Variants in ADARB2 observed in about 807,000 individuals in gnomAD.
The protein encoded by ADARB2 is inactive double-stranded RNA-specific editase B2.
In ADARB2, 25 loss-of-function variants were observed where a neutral mutation model predicts 62.2. The ratio of observed to expected loss-of-function variants is 0.40; its 90% CI spans 0.29 to 0.56. The LOEUF is 0.56. Among genes scored for constraint, ADARB2 ranks in the 20% least tolerant of loss-of-function variants. The pLI is 0.43. For synonymous variants in ADARB2, 572 were observed against 500.8 expected (o/e 1.14, Z -1.90); for missense variants, 1,071 against 1,077.4 (o/e 0.99, Z 0.08).
intron 1 of ADARB2, among the ~76,000 whole-genome samples, chr10:1,710,053 G>C (rs548366685): frequency 1.3e-5 from 2 of 152,310 alleles, no homozygotes; most frequent in South Asian, 4.1e-4. Flanking sequence ...GTGCTCAGTC[G>C]AGGACGGTTT....
chr10:1,272,691 G>A (rs923431509), intron 3 of ADARB2, among the ~76,000 whole-genome samples: 4 of 152,246 alleles, frequency 2.6e-5, no homozygotes, highest in African/African-American at 9.6e-5. Context: ...TGAGCCTGGA[G>A]TCTTCCTGGG....
At chr10:1,698,307 G>A (rs1304328869) in intron 1 of ADARB2, among the ~76,000 whole-genome samples, 7 of 152,200 alleles carry the variant, frequency 4.6e-5, no homozygotes, top group Admixed American at 3.9e-4. Flanking sequence ...ATTGCCACCC[G>A]TGGAATGAGG....
intron 1 of ADARB2, among the ~76,000 whole-genome samples, chr10:1,576,868 G>A (rs573112116): frequency 1.3e-5 from 2 of 152,266 alleles, no homozygotes; most frequent in South Asian, 4.1e-4. Context: ...GTGGCCCTGG[G>A]GCAGCAGCTG....
chr10:1,450,073 G>C (rs1588262267), intron 1 of ADARB2, among the ~76,000 whole-genome samples: 1 of 152,108 alleles, frequency 6.6e-6, no homozygotes, highest in Non-Finnish European at 1.5e-5. Flanking sequence ...TGGCCACCCT[G>C]CCCTCCTGGG....
At chr10:1,490,741 C>T (rs1831127234) in intron 1 of ADARB2, among the ~76,000 whole-genome samples, 1 of 152,166 alleles carries the variant, frequency 6.6e-6, no homozygotes, top group African/African-American at 2.4e-5. Flanking sequence ...CCGCCTGAGC[C>T]AAGACAGCCA....
intron 4 of ADARB2, among the ~76,000 whole-genome samples, chr10:1,245,686 C>A (rs1324854459): frequency 6.6e-6 from 1 of 152,198 alleles, no homozygotes; most frequent in Non-Finnish European, 1.5e-5. Context: ...TTTATGGCTG[C>A]ATAGTATTCC....
chr10:1,597,295 T>G (rs896659993), intron 1 of ADARB2, among the ~76,000 whole-genome samples: 1 of 152,220 alleles, frequency 6.6e-6, no homozygotes, highest in African/African-American at 2.4e-5. Context: ...ATGATTTTTA[T>G]CATCTTTAAG....
chr10:1,236,279 CT>C (rs1830867186), intron 5 of ADARB2, among the ~76,000 whole-genome samples: 1 of 25,886 alleles, frequency 3.9e-5, no homozygotes, highest in Non-Finnish European at 6.8e-5. Flanking sequence ...GTTTACTCCC[CT>C]CTGCCTCCCG....
chr10:1,365,714 G>A (rs1013802795), intron 2 of ADARB2, among the ~76,000 whole-genome samples: 1 of 152,200 alleles, frequency 6.6e-6, no homozygotes, highest in Non-Finnish European at 1.5e-5. Context: ...GGAGCTTCGG[G>A]CAAGAATAAA....
chr10:1,571,071 T>C (rs929499317), intron 1 of ADARB2, among the ~76,000 whole-genome samples: 4 of 152,196 alleles, frequency 2.6e-5, no homozygotes, highest in Non-Finnish European at 5.9e-5. Flanking sequence ...TAAATAAATA[T>C]CGAATGATGT....
At chr10:1,538,133 G>A (rs1346309209) in intron 1 of ADARB2, among the ~76,000 whole-genome samples, 11 of 152,212 alleles carry the variant, frequency 7.2e-5, no homozygotes, top group Admixed American at 6.5e-5. Flanking sequence ...GAGGCTGGAT[G>A]TACTGAGCAC....
At chr10:1,219,438 ATC>A (rs775683474) in intron 6 of ADARB2, among the ~76,000 whole-genome samples, 3 of 152,266 alleles carry the variant, frequency 2.0e-5, no homozygotes, top group Non-Finnish European at 4.4e-5. Flanking sequence ...GGGAAGAAAG[ATC>A]GCTGCATTCT....
intron 1 of ADARB2, among the ~76,000 whole-genome samples, chr10:1,540,551 CCG>C (rs1832407176): frequency 1.1e-5 from 1 of 90,316 alleles, no homozygotes; most frequent in East Asian, 5.4e-4. Context: ...TGGATCACAG[CCG>C]TCCAGACCCC....
In ADARB2 at chr10:1,394,793, T is replaced by A; in HGVS notation, c.101-15633A>T. On this transcript the variant is annotated intron_variant, in intron 1 of 9. Coordinates refer to ENST00000381312, the MANE Select transcript of ADARB2 (RefSeq NM_018702.4). ...ATTCTGCAAAGACCTGGTAGGAGCGTCTAAGGGGAGGAGCTGCTTCCCCTC... is the reference window on the plus strand; with the variant it reads ...ATTCTGCAAAGACCTGGTAGGAGCGACTAAGGGGAGGAGCTGCTTCCCCTC... The A allele has an allele frequency of 1.5e-5, 7 of 456,168 alleles. 1 individual carries two copies. Among genetic ancestry groups the A allele is most frequent in the Middle Eastern group, 3.3e-4 (1 of 3,066 alleles). The allele number at this position is 456,168 out of a possible 1,614,324, so 28.3% of individuals were successfully genotyped here. A position where few individuals can be genotyped will look rare whatever the true frequency, so the allele number is the denominator to read the frequency against.
chr10:1,661,477 A>G (rs1441240445), intron 1 of ADARB2, among the ~76,000 whole-genome samples: 1 of 152,132 alleles, frequency 6.6e-6, no homozygotes, highest in Non-Finnish European at 1.5e-5. Context: ...TCTTTCCTTC[A>G]TGGTCTTTAT....
chr10:1,649,915 G>C (rs1834088928), intron 1 of ADARB2, among the ~76,000 whole-genome samples: 1 of 152,248 alleles, frequency 6.6e-6, no homozygotes, highest in Admixed American at 6.5e-5. Context: ...GAAATCATGA[G>C]GGAGTGGCTT....
At chr10:1,578,510 G>A (rs1050095833) in intron 1 of ADARB2, among the ~76,000 whole-genome samples, 2 of 152,158 alleles carry the variant, frequency 1.3e-5, no homozygotes, top group African/African-American at 4.8e-5. Flanking sequence ...TGGTGCAAAG[G>A]CAGCCCCGCC....
At chr10:1,186,521 C>G (rs1462447341) in intron 8 of ADARB2, 1 of 518,950 alleles carries the variant, frequency 1.9e-6, no homozygotes, top group East Asian at 5.4e-5. Context: ...TTCCCCAAGC[C>G]CAGCTGGCCG....
intron 6 of ADARB2, among the ~76,000 whole-genome samples, 193 bp from the exon 7 acceptor site, chr10:1,217,312 C>T (rs1042479978): frequency 1.6e-4 from 24 of 152,164 alleles, no homozygotes; most frequent in Admixed American, 3.3e-4. Context: ...CCGCCTGGGC[C>T]GGGCCAACTT....
Sources: gnomAD v4.1 joint callset for allele counts (sites outside exome capture counted in the v4.1 genomes callset) on GRCh38, gnomAD v4.1.1 for gene constraint, MANE v1.5 for transcripts, NCBI Gene and HGNC (gene_info 2026-07-23, HGNC 2026-07-21) for gene names.